The following NFAT5 variants were observed in gnomAD, a reference collection of about 807,000 sequenced individuals.
NFAT5 encodes nuclear factor of activated T-cells 5.
A neutral mutation model predicts 166.5 loss-of-function variants in NFAT5; 31 were observed. That is an observed-to-expected ratio of 0.19 (90% CI 0.14 to 0.25). NFAT5 has a LOEUF of 0.25. Ranked by LOEUF, NFAT5 falls within the 10% of genes least tolerant of loss-of-function variation. NFAT5 has a pLI of 1.00. For synonymous variants in NFAT5, 612 were observed against 639.7 expected (o/e 0.96, Z 0.65); for missense variants, 1,449 against 1,821.8 (o/e 0.80, Z 3.72).
At chr16:69,584,093 GTGCGCACCTTTAA>G (rs2031877592) in intron 2 of NFAT5, among the ~76,000 whole-genome samples, 1 of 152,016 alleles carries the variant, frequency 6.6e-6, no homozygotes, top group South Asian at 2.1e-4. Flanking sequence ...GGGCATGGTG[GTGCGCACCTTTAA>G]TGCCAGCTAC....
intron 7 of NFAT5, among the ~76,000 whole-genome samples, chr16:69,663,662 G>T (rs1042077961): frequency 6.6e-6 from 1 of 151,646 alleles, no homozygotes; most frequent in African/African-American, 2.4e-5. Context: ...TTGAAGCCAG[G>T]AGTTGGAAAC....
intron 2 of NFAT5, among the ~76,000 whole-genome samples, chr16:69,616,702 C>T (rs1009501023): frequency 7.9e-5 from 12 of 152,170 alleles, no homozygotes; most frequent in East Asian, 5.8e-4. Flanking sequence ...GGCTCTGACA[C>T]CACACACTAG....
intron 2 of NFAT5, among the ~76,000 whole-genome samples, chr16:69,604,703 A>G (rs1053013478): frequency 6.6e-6 from 1 of 152,168 alleles, no homozygotes; most frequent in African/African-American, 2.4e-5. Flanking sequence ...TCCCAGAAGG[A>G]AAATCCTGTG....
At chr16:69,608,701 G>C (rs545902425) in intron 2 of NFAT5, among the ~76,000 whole-genome samples, 7 of 151,746 alleles carry the variant, frequency 4.6e-5, no homozygotes, top group African/African-American at 1.7e-4. Flanking sequence ...TGCAAGCTCT[G>C]CCTCCTGGGT....
chr16:69,566,782 A>G lies in NFAT5; in HGVS notation c.73+408A>G, dbSNP rs965395781. Among the ~76,000 whole-genome samples the G allele has an allele frequency of 1.5e-4, 23 of 151,436 alleles. No homozygotes were observed. Among genetic ancestry groups the G allele is most frequent in the Non-Finnish European group, 2.8e-4 (19 of 67,854 alleles). On this transcript the variant is annotated intron_variant, in intron 1 of 14. Transcript: ENST00000349945. This position sits in a 1 kb window ranked among gnomAD's most constrained non-coding sequence, Gnocchi z 5.7. ...GGGCGCCGCGTCTTCTCTTACCGGG[A>G]CCCTCCTCCCCAGCAAAGTTGCCCC...
chr16:69,631,785 C>T (rs1046744650), intron 3 of NFAT5, among the ~76,000 whole-genome samples: 2 of 151,964 alleles, frequency 1.3e-5, no homozygotes, highest in African/African-American at 4.8e-5. Flanking sequence ...GCCACCACAC[C>T]CGGCTAACTT....
intron 2 of NFAT5, among the ~76,000 whole-genome samples, chr16:69,573,779 T>C (rs1372933248): frequency 6.6e-6 from 1 of 152,116 alleles, no homozygotes; most frequent in East Asian, 1.9e-4. Context: ...CTCTTGACTC[T>C]GATTATTCCA....
chr16:69,607,215 G>C (rs2033458937), intron 2 of NFAT5, among the ~76,000 whole-genome samples: 3 of 152,144 alleles, frequency 2.0e-5, no homozygotes, highest in Non-Finnish European at 2.9e-5. Flanking sequence ...ATACATTTAT[G>C]ATGAAACCTC....
Position 69,666,326 on chromosome 16 carries a change from T to C in NFAT5, c.1370-3651T>C, listed in dbSNP as rs79298333. ...AAAGCCAAAATTGACAAATGGGATC[T>C]AATTAAACGGAAGAGCTTCTGCACA... On this transcript the variant is annotated intron_variant, in intron 7 of 14. Transcript: ENST00000349945. Among the ~76,000 whole-genome samples the C allele has an allele frequency of 1.1e-3, 165 of 152,142 alleles. 1 individual carries two copies. In the East Asian group the frequency reaches 0.031, roughly 28 times the overall value.
At chr16:69,643,781 T>C (rs1238227212) in intron 3 of NFAT5, among the ~76,000 whole-genome samples, 1 of 152,184 alleles carries the variant, frequency 6.6e-6, no homozygotes, top group Non-Finnish European at 1.5e-5. Flanking sequence ...TTTATTACAA[T>C]GTAGGCACTG....
chr16:69,686,945 T>C (rs562976890), intron 11 of NFAT5, among the ~76,000 whole-genome samples: 13 of 152,320 alleles, frequency 8.5e-5, no homozygotes, highest in African/African-American at 2.4e-4. Context: ...TTGTAATGCA[T>C]TGACACCAGC....
At chr16:69,670,181 A>G (rs1185232382) in intron 8 of NFAT5, 55 bp from the exon 9 acceptor site, 35 of 1,573,954 alleles carry the variant, frequency 2.2e-5, no homozygotes, top group Non-Finnish European at 2.8e-5. Flanking sequence ...AGTCATAGCT[A>G]CAGAGTAAAA....
intron 11 of NFAT5, chr16:69,686,010 A>G (rs1027920817): frequency 6.6e-6 from 1 of 151,834 alleles, no homozygotes; most frequent in Non-Finnish European, 1.5e-5. Flanking sequence ...GTGCCACCGC[A>G]CTCCAGTCTG....
rs2037592402 is a variant in NFAT5, at chr16:69,692,613, C to G, written c.2788C>G (p.Gln930Glu). ...TATCTGCCAGGCAGCTGCCCAGATT[C>G]AGTCAGAGTTATTCCCTTCAACTGC... ...QSICQAAAQI[Q>E]SELFPSTASA... Residue 930 changes from glutamine (Q) to glutamate (E), a missense_variant, in exon 13 of 15, where the codon CAG (glutamine) becomes GAG (glutamate). Gln to Glu is a conservative substitution (Grantham distance 29, BLOSUM62 2). Coordinates refer to ENST00000349945, the MANE Select transcript of NFAT5 (RefSeq NM_138713.4). 1 of 1,614,252 alleles carries G rather than the reference C, an allele frequency of 6.2e-7. No homozygotes were observed. The highest frequency in any genetic ancestry group is 2.2e-5 in the East Asian group (1 of 44,892).
At position 69,594,212 on chromosome 16, in the gene NFAT5, G is replaced by GTA. The variant is rs756291033; in HGVS notation, c.127+25667_127+25668dup. 5.3e-5 allele frequency among the ~76,000 whole-genome samples: 8 copies of GTA among 152,298 alleles called. No homozygotes were observed. The East Asian group carries it at 1.5e-3, about 29-fold the overall frequency. On this transcript the variant is annotated intron_variant, in intron 2 of 14. Transcript: ENST00000349945. ...GGGTGTACTTACACAAACCTATGTG[G>GTA]TATAGCCTGCTACATATCTAGGCTG... is the stretch of plus-strand genomic sequence containing the variant.
intron 14 of NFAT5, among the ~76,000 whole-genome samples, chr16:69,695,968 CTTATCCCCAAGATATCTCATTGTGTA>C (rs1201317850): frequency 1.3e-5 from 2 of 152,274 alleles, no homozygotes; most frequent in Non-Finnish European, 2.9e-5. Context: ...GGACTTGTGT[CTTATCCCCAAGATATCTCATTGTGTA>C]TATGTGCATA....
Position 69,568,495 on chromosome 16 carries a change from A to G in NFAT5, c.74A>G (p.Asp25Gly), listed in dbSNP as rs1015746996. The change falls in exon 2 of 15, where the codon GAT becomes GGT. Residue 25 changes from aspartate to glycine, a missense_variant and splice_region_variant. Around this residue, in one of 7 missense-constraint regions of NFAT5, gnomAD observed 172 missense variants for 194.5 expected, o/e 0.88. Coordinates refer to ENST00000349945, the MANE Select transcript of NFAT5 (RefSeq NM_138713.4). ...ACCTAATGCTTTTTGTGTTTTTCAG[A>G]TTCTCTGAAGTTACACCCATCACAG... The part of the protein sequence containing the change: ...LESPKSLYSR[D>G]SLKLHPSQNF... 4 of 1,611,822 alleles carry G rather than the reference A, an allele frequency of 2.5e-6. No homozygotes were observed. The highest frequency in any genetic ancestry group is 3.4e-6 in the Non-Finnish European group (4 of 1,179,222).
intron 3 of NFAT5, among the ~76,000 whole-genome samples, chr16:69,637,431 T>C (rs2035014661): frequency 6.6e-6 from 1 of 151,854 alleles, no homozygotes; most frequent in Non-Finnish European, 1.5e-5. Flanking sequence ...TAGTCCATTT[T>C]CATGCTGCTG....
At chr16:69,690,173 G>A (rs1258110901) in intron 11 of NFAT5, among the ~76,000 whole-genome samples, 1 of 152,190 alleles carries the variant, frequency 6.6e-6, no homozygotes, top group Non-Finnish European at 1.5e-5. Context: ...ATATAGTGAA[G>A]TGGTAGAATC....
Sources: gnomAD v4.1 joint callset for allele counts (sites outside exome capture counted in the v4.1 genomes callset) on GRCh38, gnomAD v4.1.1 for gene constraint, gnomAD v4.1.1 regional missense constraint, Gnocchi (gnomAD v3.1) non-coding constraint, MANE v1.5 for transcripts, NCBI Gene and HGNC (gene_info 2026-07-23, HGNC 2026-07-21) for gene names.